Variants in KAT14 observed in about 807,000 individuals in gnomAD.
KAT14 encodes lysine acetyltransferase 14, also known as cysteine-rich protein 2-binding protein.
In KAT14, 66 loss-of-function variants were observed where a neutral mutation model predicts 78.4. The ratio of observed to expected loss-of-function variants is 0.84; its 90% confidence interval spans 0.69 to 1.03. The LOEUF (loss-of-function observed/expected upper bound fraction) is 1.03. Ranked by LOEUF, KAT14 falls within the 50% of genes least tolerant of loss-of-function variation. The pLI, the probability that KAT14 is intolerant of heterozygous loss-of-function variation, is 0.00. For synonymous variants in KAT14, 344 were observed against 359.4 expected, an observed-to-expected ratio of 0.96 and a Z score of 0.48; for missense variants, 870 against 972.5, an observed-to-expected ratio of 0.89 and a Z score of 1.40.
chr20:18,185,281 C>A (rs2039416585), intron 10 of KAT14, among the ~76,000 whole-genome samples: 1 of 152,158 alleles, frequency 6.6e-6, no homozygotes, highest in Non-Finnish European at 1.5e-5. Context: ...ACAATCATAG[C>A]TCACTGCAGC....
intron 5 of KAT14, among the ~76,000 whole-genome samples, chr20:18,160,821 C>T (rs1162375600): frequency 6.6e-6 from 1 of 151,948 alleles, no homozygotes; most frequent in Non-Finnish European, 1.5e-5. Context: ...CCTGGAGTTT[C>T]TACATCAAAG....
chr20:18,163,078 A>G, intron 7 of KAT14, 133 bp downstream of exon 7: 1 of 1,215,504 alleles, frequency 8.2e-7, no homozygotes, highest in Non-Finnish European at 1.1e-6. Context: ...AGTAAAGTGC[A>G]AGGGAAAAAA....
At chr20:18,157,854 A>G (rs1420761173) in intron 4 of KAT14, among the ~76,000 whole-genome samples, 1 of 151,980 alleles carries the variant, frequency 6.6e-6, no homozygotes, top group Non-Finnish European at 1.5e-5. Flanking sequence ...TTTATTAGAG[A>G]GGATTTGGAA....
At position 18,181,713 on chromosome 20, in the gene KAT14, T is replaced by A. The variant is rs1014615849; in HGVS notation, c.1672T>A (p.Ser558Thr). Reference sequence around the variant, plus strand: ...AACCAGTGTTTCTTTCTCATAGACTTCCTTGCCGTCCAGGAAGGGATTTCG... The same window carrying A: ...AACCAGTGTTTCTTTCTCATAGACTACCTTGCCGTCCAGGAAGGGATTTCG... Reference protein sequence around the residue: ...DFRILDRYQTSLPSRKGFRHQ... With the variant: ...DFRILDRYQTTLPSRKGFRHQ... Residue 558 changes from serine to threonine, a missense_variant, in exon 8 of 11, where the codon TCC (serine) becomes ACC (threonine). Transcript: ENST00000688188. 2 of 1,614,050 alleles carry A rather than the reference T, an allele frequency of 1.2e-6. No homozygotes were observed. Among genetic ancestry groups the A allele is most frequent in the Non-Finnish European group, 1.7e-6 (2 of 1,180,024 alleles).
chr20:18,174,299 G>A (rs534266108), intron 7 of KAT14, among the ~76,000 whole-genome samples: 1 of 152,278 alleles, frequency 6.6e-6, no homozygotes, highest in South Asian at 2.1e-4. Context: ...TTTTTGTGTG[G>A]ACACACATTT....
chr20:18,150,352 T>TA (rs1321781457), intron 3 of KAT14, among the ~76,000 whole-genome samples: 1 of 152,202 alleles, frequency 6.6e-6, no homozygotes, highest in Non-Finnish European at 1.5e-5. Context: ...CTTAGAGAAA[T>TA]ATATACAAGG....
intron 4 of KAT14, among the ~76,000 whole-genome samples, chr20:18,153,247 T>C (rs1395266353): frequency 1.3e-5 from 2 of 152,152 alleles, no homozygotes; most frequent in African/African-American, 4.8e-5. Context: ...GAGGGTGACC[T>C]GCAGGCTGCT....
At chr20:18,176,005 C>CAA (rs35353769) in intron 7 of KAT14, among the ~76,000 whole-genome samples, 9,292 of 105,782 alleles carry the variant, frequency 0.088, 448 homozygotes, top group Non-Finnish European at 0.12. Context: ...GAGACTGTCT[C>CAA]AAAAAAAAAA....
Position 18,142,666 on chromosome 20 carries a change from T to C in KAT14, c.6T>C (p.Asp2=), listed in dbSNP as rs1344750429. 3.1e-6 allele frequency: 5 copies of C among 1,614,110 alleles called. No individual in the cohort carries two copies. ...GAGCTTGTGAGAAGGAAGGGATGGATAGTAGCATCCACCTGAGTAGTCTGA... is the reference window on the plus strand; with the variant it reads ...GAGCTTGTGAGAAGGAAGGGATGGACAGTAGCATCCACCTGAGTAGTCTGA... M[D]SSIHLSSLIS... The change falls in exon 2 of 11, where the codon GAT becomes GAC. Residue 2 remains aspartate (D), a synonymous_variant. Transcript: ENST00000688188.
In KAT14 at chr20:18,150,834, C is replaced by T. The variant is rs1247314899; in HGVS notation, c.392C>T (p.Ala131Val). Residue 131 changes from alanine (A) to valine (V), a missense_variant, in exon 4 of 11, where the codon GCA becomes GTA. By Grantham distance (64) the Ala-to-Val change is moderately conservative (BLOSUM62 0). Transcript: ENST00000688188. ...KLTWQQVVML[A>V]MYNLSLEGSG... The stretch of plus-strand genomic sequence containing the variant: ...ATTGTGTTTCAGGTCGTCATGTTGG[C>T]AATGTACAACTTGTCTCTGGAAGGA... 2 of 1,613,940 alleles carry T rather than the reference C, an allele frequency of 1.2e-6. No individual in the cohort carries two copies. Among genetic ancestry groups the T allele is most frequent in the Non-Finnish European group, 1.7e-6 (2 of 1,180,014 alleles).
chr20:18,167,368 G>C (rs982978936), intron 7 of KAT14, among the ~76,000 whole-genome samples: 1 of 152,158 alleles, frequency 6.6e-6, no homozygotes, highest in Non-Finnish European at 1.5e-5. Context: ...AGCTTCTATA[G>C]TTTTAGTGGG....
chr20:18,145,645 G>T (rs924515347), intron 3 of KAT14, among the ~76,000 whole-genome samples: 2 of 152,098 alleles, frequency 1.3e-5, no homozygotes, highest in Admixed American at 6.6e-5. Flanking sequence ...GCTGGCTATG[G>T]TGGTGGGCCC....
At chr20:18,174,649 G>A (rs2038967757) in intron 7 of KAT14, among the ~76,000 whole-genome samples, 1 of 145,188 alleles carries the variant, frequency 6.9e-6, no homozygotes, top group Non-Finnish European at 1.5e-5. Context: ...TTATCCTTTT[G>A]TTTTCTTGCT....
Position 18,142,187 on chromosome 20 carries a change from ATC to A in KAT14, c.-453-19_-453-18del. ...ACCACCTGTTCGGGATGTTACTGAAATCTGTTTCTTACGTTTTTAGAGGCTTC... is the reference window on the plus strand; with the variant it reads ...ACCACCTGTTCGGGATGTTACTGAAATGTTTCTTACGTTTTTAGAGGCTTC... On this transcript the variant is annotated intron_variant, in intron 1 of 10. Coordinates refer to ENST00000688188, the MANE Select transcript of KAT14 (RefSeq NM_001392073.1). 6.5e-7 allele frequency: 1 copy of A among 1,534,354 alleles called. No homozygotes were observed. Among genetic ancestry groups the A allele is most frequent in the Non-Finnish European group, 8.7e-7 (1 of 1,144,830 alleles).
intron 1 of KAT14, chr20:18,138,430 G>A (rs376762967): frequency 4.0e-6 from 4 of 1,005,328 alleles, no homozygotes; most frequent in Non-Finnish European, 4.7e-6. Flanking sequence ...CACTTGGGCC[G>A]CTAGAAAATA....
At chr20:18,145,524 T>C (rs117933891) in intron 3 of KAT14, among the ~76,000 whole-genome samples, 173 bp downstream of exon 3, 326 of 152,350 alleles carry the variant, frequency 2.1e-3, no homozygotes, top group Non-Finnish European at 3.8e-3. Flanking sequence ...ATACTCGCTG[T>C]AATCCCAGCA....
In KAT14 at chr20:18,187,356, T is replaced by G. The variant is rs1259037824; in HGVS notation, c.2243T>G (p.Phe748Cys). 1.5e-5 allele frequency: 25 copies of G among 1,614,042 alleles called. No homozygotes were observed. Among genetic ancestry groups the G allele is most frequent in the Non-Finnish European group, 2.0e-5 (24 of 1,180,020 alleles). ...CCCGCTATGCTACTGTACCAGAAGT[T>G]TGGATTCAAGACTGAAGAATATGTA... ...SNPAMLLYQK[F>C]GFKTEEYVLD... The change falls in exon 11 of 11, where the codon TTT (phenylalanine) becomes TGT (cysteine). Residue 748 changes from phenylalanine to cysteine, a missense_variant. Transcript: ENST00000688188.
chr20:18,140,966 T>G (rs1464665041), intron 1 of KAT14, among the ~76,000 whole-genome samples: 1 of 146,490 alleles, frequency 6.8e-6, no homozygotes, highest in African/African-American at 2.5e-5. Flanking sequence ...GAGGTGATCC[T>G]ATCACCTCAG....
intron 7 of KAT14, among the ~76,000 whole-genome samples, chr20:18,180,545 C>A (rs537935277): frequency 6.6e-6 from 1 of 152,174 alleles, no homozygotes; most frequent in Non-Finnish European, 1.5e-5. Flanking sequence ...TTCAGCAACA[C>A]CCCACTCCTG....
Sources: gnomAD v4.1 joint callset for allele counts (sites outside exome capture counted in the v4.1 genomes callset) on GRCh38, gnomAD v4.1.1 for gene constraint, MANE v1.5 for transcripts, NCBI Gene and HGNC (gene_info 2026-07-23, HGNC 2026-07-21) for gene names.